The following ERICH1 variants were observed in gnomAD, a reference collection of about 807,000 sequenced individuals.
The protein encoded by ERICH1 is glutamate rich 1.
A neutral mutation model predicts 39.6 loss-of-function variants in ERICH1; 56 were observed. That is an observed-to-expected ratio of 1.41 (90% CI 1.14 to 1.77). The LOEUF (loss-of-function observed/expected upper bound fraction) is 1.77, where lower values mean the gene tolerates loss of function less well. ERICH1 is among the 40% of genes most tolerant of loss of function. The pLI is 0.00. For synonymous variants in ERICH1, 313 were observed against 223.6 expected (o/e 1.40, Z -3.57); for missense variants, 826 against 575.4 (o/e 1.44, Z -4.45).
In ERICH1 at chr8:673,604, C is replaced by A. The variant is rs145547111; in HGVS notation, c.748G>T (p.Gly250Cys). The change falls in exon 4 of 6, where the codon GGT becomes TGT. Residue 250 changes from glycine to cysteine, a missense_variant. Gly to Cys is a radical substitution (Grantham distance 159, BLOSUM62 -3). Transcript: ENST00000262109. ...EDLTRARQEE[G>C]ADASEEDPTP... Reference sequence around the variant, plus strand: ...GGATCTTCCTCACTGGCGTCCGCACCCTCTTCCTGCCTGGCCCGTGTCAGG... The same window carrying A: ...GGATCTTCCTCACTGGCGTCCGCACACTCTTCCTGCCTGGCCCGTGTCAGG... 3.1e-4 allele frequency: 479 copies of A among 1,550,056 alleles called. 3 individuals are homozygous for A. The Middle Eastern group carries it at 0.018, about 58-fold the overall frequency.
At chr8:678,792 C>T (rs972177427) in intron 3 of ERICH1, among the ~76,000 whole-genome samples, 2 of 152,080 alleles carry the variant, frequency 1.3e-5, no homozygotes, top group Non-Finnish European at 2.9e-5. Context: ...TGGGTGACAG[C>T]GCGAGACTCC....
chr8:700,424 G>C (rs112263605), intron 2 of ERICH1, among the ~76,000 whole-genome samples: 18,675 of 25,362 alleles, frequency 0.74, 7,798 homozygotes, highest in East Asian at 0.87. Context: ...CAGGCCCGCA[G>C]ACGCGCACAG....
chr8:670,614 G>C (rs1803086528), intron 4 of ERICH1, among the ~76,000 whole-genome samples: 1 of 152,302 alleles, frequency 6.6e-6, no homozygotes, highest in Admixed American at 6.5e-5. Context: ...CATCTCATCA[G>C]CACCTCAAGA....
At position 664,273 on chromosome 8, in the gene ERICH1, A is replaced by C. The variant is rs1801857456; in HGVS notation, c.*330T>G. 1 of 1,014,592 alleles carries C rather than the reference A, an allele frequency of 9.9e-7. No homozygotes were observed. Among genetic ancestry groups the C allele is most frequent in the Non-Finnish European group, 1.2e-6 (1 of 849,522 alleles). The allele number at this position is 1,014,592 out of a possible 1,614,324, so 62.8% of individuals were successfully genotyped here. On this transcript the variant is annotated 3_prime_UTR_variant, in exon 6 of 6. Transcript: ENST00000262109. ...GACTTTCAGATACAAGGTGATTCAA[A>C]ACTTCATAAAAATATATGAGCTTCA...
chr8:690,331 C>A (rs149999882), intron 3 of ERICH1, among the ~76,000 whole-genome samples: 2 of 152,374 alleles, frequency 1.3e-5, no homozygotes, highest in African/African-American at 4.8e-5. Context: ...CTTAGGTCTT[C>A]CTGTCCTGGC....
chr8:637,647 G>A lies in ERICH1; in HGVS notation c.977-22363C>T, dbSNP rs62486199. 7.7e-3 allele frequency: 1,178 copies of A among 152,456 alleles called. 8 individuals carry two copies. Among genetic ancestry groups the A allele is most frequent in the Non-Finnish European group, 0.011 (776 of 68,144 alleles). 9.4% of individuals were successfully genotyped at this position (152,456 alleles called of 1,614,324 possible). A position where few individuals can be genotyped will look rare whatever the true frequency, so the allele number is the denominator to read the frequency against. ...AGCTGTGTGGGGTGCTCAGCTGTGA[G>A]GATGACCTCACAGGGCCACAGAACC... On this transcript the variant is annotated intron_variant, in intron 3 of 3. Coordinates refer to the ERICH1 transcript ENST00000522706.
At chr8:692,758 AT>A (rs1809212737) in intron 2 of ERICH1, 146 bp from the exon 3 acceptor site, 1 of 1,007,614 alleles carries the variant, frequency 9.9e-7, no homozygotes, top group South Asian at 1.9e-5. Flanking sequence ...ACTGTCATAA[AT>A]ACTGATTTTA....
chr8:620,893 C>A (rs1797241136), intron 3 of ERICH1, among the ~76,000 whole-genome samples: 1 of 152,138 alleles, frequency 6.6e-6, no homozygotes, highest in African/African-American at 2.4e-5. Context: ...AAGATCCACA[C>A]AGAAATAAAA....
chr8:652,561 G>C (rs1341164169), intron 3 of ERICH1, among the ~76,000 whole-genome samples: 4 of 152,340 alleles, frequency 2.6e-5, no homozygotes, highest in African/African-American at 9.6e-5. Flanking sequence ...ACTTTCCAAA[G>C]TGTCCTGTTC....
At position 675,882 on chromosome 8, in the gene ERICH1, A is replaced by G. The variant is rs865906232; in HGVS notation, c.305-1835T>C. Among the ~76,000 whole-genome samples the G allele has an allele frequency of 4.9e-4, 10 of 20,266 alleles. No homozygotes were observed. In the East Asian group the frequency reaches 0.011, roughly 22 times the overall value. The allele number at this position is 20,266 out of a possible 152,430, so 13.3% of individuals were successfully genotyped here. A position where few individuals can be genotyped will look rare whatever the true frequency, so the allele number is the denominator to read the frequency against. On this transcript the variant is annotated intron_variant, in intron 3 of 5. Transcript: ENST00000262109. ...GCGGCGGCCCCTCGTGAGGACAGAG[A>G]CGCGGCGCCCCCTCGGCGAGGACAG...
chr8:629,593 G>A (rs13255373), intron 3 of ERICH1, among the ~76,000 whole-genome samples: 7 of 78,668 alleles, frequency 8.9e-5, no homozygotes, highest in Non-Finnish European at 1.7e-4. Flanking sequence ...ACCACCCACA[G>A]AGACAGAGCT....
At chr8:727,562 G>C (rs940416524) in intron 1 of ERICH1, among the ~76,000 whole-genome samples, 1 of 152,226 alleles carries the variant, frequency 6.6e-6, no homozygotes, top group Non-Finnish European at 1.5e-5. Context: ...CTGCAAGGGC[G>C]AGTGAAGCTG....
At chr8:728,480 A>G (rs1253075791) in intron 1 of ERICH1, among the ~76,000 whole-genome samples, 5 of 152,178 alleles carry the variant, frequency 3.3e-5, no homozygotes, top group Non-Finnish European at 7.3e-5. Context: ...AGTCCCTGGG[A>G]GATCTGTGAC....
chr8:710,485 C>T (rs1471261682), intron 2 of ERICH1, among the ~76,000 whole-genome samples: 2 of 150,330 alleles, frequency 1.3e-5, no homozygotes, highest in African/African-American at 5.0e-5. Context: ...TCCTTCCAGT[C>T]CTCGGCATCG....
Position 664,510 on chromosome 8 carries a change from C to T in ERICH1, c.*93G>A. The T allele has an allele frequency of 7.0e-7, 1 of 1,428,368 alleles. No homozygotes were observed. The highest frequency in any genetic ancestry group is 9.2e-7 in the Non-Finnish European group (1 of 1,086,120). 88.5% of individuals were successfully genotyped at this position (1,428,368 alleles called of 1,614,324 possible). ...TAAATAATATGGCATAAATGTCTTT[C>T]AAGTTCCCAGAGAACTAACTCTAAG... On this transcript the variant is annotated 3_prime_UTR_variant, in exon 6 of 6. Coordinates refer to ENST00000262109, the MANE Select transcript of ERICH1 (RefSeq NM_207332.3).
chr8:640,132 C>A (rs1798825077), intron 3 of ERICH1, among the ~76,000 whole-genome samples: 1 of 152,184 alleles, frequency 6.6e-6, no homozygotes, highest in Non-Finnish European at 1.5e-5. Flanking sequence ...GACATGGAAG[C>A]AGTCAGTGGC....
At chr8:701,507 C>A (rs1232069390) in intron 2 of ERICH1, among the ~76,000 whole-genome samples, 2 of 152,214 alleles carry the variant, frequency 1.3e-5, no homozygotes, top group Non-Finnish European at 2.9e-5. Context: ...GCCACAGACG[C>A]AGGCCCAGGA....
chr8:673,605 C>A lies in ERICH1; in HGVS notation c.747G>T (p.Glu249Asp). 6.5e-7 allele frequency: 1 copy of A among 1,549,438 alleles called. No homozygotes were observed. Among genetic ancestry groups the A allele is most frequent in the Non-Finnish European group, 8.9e-7 (1 of 1,127,854 alleles). Residue 249 changes from glutamate (E) to aspartate (D), a missense_variant, in exon 4 of 6, where the codon GAG becomes GAT. By Grantham distance (45) the Glu-to-Asp change is conservative. Coordinates refer to ENST00000262109, the MANE Select transcript of ERICH1 (RefSeq NM_207332.3). ...EEDLTRARQE[E>D]GADASEEDPT... is the part of the protein sequence containing the mutation. ...GATCTTCCTCACTGGCGTCCGCACC[C>A]TCTTCCTGCCTGGCCCGTGTCAGGT...
chr8:690,261 G>C (rs1222207214), intron 3 of ERICH1, among the ~76,000 whole-genome samples: 1 of 152,230 alleles, frequency 6.6e-6, no homozygotes, highest in African/African-American at 2.4e-5. Context: ...GTCTGTGCTT[G>C]TCACATTCAG....
Sources: allele counts gnomAD v4.1 joint callset (sites outside exome capture counted in the v4.1 genomes callset), GRCh38; gene constraint gnomAD v4.1.1; transcripts MANE v1.5; gene names NCBI Gene and HGNC (gene_info 2026-07-23, HGNC 2026-07-21).